The following PPARGC1A variants were observed in gnomAD, a reference collection of about 807,000 sequenced individuals.
The protein encoded by PPARGC1A is peroxisome proliferator-activated receptor gamma coactivator 1-alpha.
Under a neutral mutation model 88.7 loss-of-function variants are expected in PPARGC1A, and 25 were observed. The observed-to-expected ratio is 0.28, with a 90% CI of 0.21 to 0.39. PPARGC1A has a LOEUF of 0.39. Ranked by LOEUF, PPARGC1A falls within the 10% of genes least tolerant of loss-of-function variation. PPARGC1A has a pLI of 1.00. For synonymous variants in PPARGC1A, 363 were observed against 355.6 expected, an observed-to-expected ratio of 1.02 and a Z score of -0.24; for missense variants, 880 against 968.7, an observed-to-expected ratio of 0.91 and a Z score of 1.22.
chr4:24,111,042 G>A, the PPARGC1A span, among the ~76,000 whole-genome samples: 1 of 152,248 alleles, frequency 6.6e-6, no homozygotes, highest in South Asian at 2.1e-4. Flanking sequence ...GCTACACAGA[G>A]AAGGCATTTT....
the PPARGC1A span, among the ~76,000 whole-genome samples, chr4:24,125,881 G>A: frequency 3.9e-5 from 6 of 152,234 alleles, no homozygotes; most frequent in East Asian, 5.8e-4. Flanking sequence ...AGGGCTCCTC[G>A]AATAAATAAG....
At chr4:24,157,120 T>C in the PPARGC1A span, among the ~76,000 whole-genome samples, 1 of 152,170 alleles carries the variant, frequency 6.6e-6, no homozygotes, top group African/African-American at 2.4e-5. Flanking sequence ...ATATTACTTC[T>C]TAGCTGCATA....
intron 1 of PPARGC1A, chr4:23,889,341 A>G: frequency 1.0e-6 from 1 of 985,388 alleles, no homozygotes; most frequent in Non-Finnish European, 1.2e-6. Flanking sequence ...GGAGTTTTAA[A>G]GGAAGCAGCA....
the PPARGC1A span, among the ~76,000 whole-genome samples, chr4:24,157,672 T>C: frequency 2.0e-5 from 3 of 152,078 alleles, no homozygotes; most frequent in African/African-American, 7.2e-5. Context: ...TCAGTCCTGT[T>C]TTTTCTCTTT....
In PPARGC1A at chr4:23,813,790, T is replaced by C. The variant is rs1442356424; in HGVS notation, c.1693A>G (p.Met565Val). 2 of 1,613,538 alleles carry C rather than the reference T, an allele frequency of 1.2e-6. No individual in the cohort carries two copies. The highest frequency in any genetic ancestry group is 1.7e-6 in the Non-Finnish European group (2 of 1,179,482). Residue 565 changes from methionine (M) to valine (V), a missense_variant, in exon 8 of 13, where the codon ATG becomes GTG. Transcript: ENST00000264867. ...GAAAAGGACCTTGAACGAGAGCGCATCCTTTGGGGTCTTTGAGAAAATAAG... is the reference window on the plus strand; with the variant it reads ...GAAAAGGACCTTGAACGAGAGCGCACCCTTTGGGGTCTTTGAGAAAATAAG... ...KSLFSQRPQR[M>V]RSRSRSFSRH...
chr4:23,794,974 G>A lies in PPARGC1A; in HGVS notation c.*848C>T, dbSNP rs1717248274. The A allele has an allele frequency of 6.6e-6, 1 of 151,728 alleles. No homozygotes were observed. Among genetic ancestry groups the A allele is most frequent in the Non-Finnish European group, 1.5e-5 (1 of 67,884 alleles). 9.4% of individuals were successfully genotyped at this position (151,728 alleles called of 1,614,324 possible). A position where few individuals can be genotyped will look rare whatever the true frequency, so the allele number is the denominator to read the frequency against. ...GGATGAACTACAGAAACTTCAAAAT[G>A]TTAGGAAACTTTAGCATTCTGGTGC... is the stretch of plus-strand genomic sequence containing the variant. On this transcript the variant is annotated 3_prime_UTR_variant, in exon 13 of 13. Transcript: ENST00000264867.
the PPARGC1A span, among the ~76,000 whole-genome samples, chr4:24,408,628 G>T: frequency 6.6e-6 from 1 of 152,166 alleles, no homozygotes; most frequent in African/African-American, 2.4e-5. Flanking sequence ...CAGCAGCCAT[G>T]CTGGGAGAAG....
At chr4:23,809,710 TA>T (rs1478910804) in intron 10 of PPARGC1A, among the ~76,000 whole-genome samples, 3 of 152,226 alleles carry the variant, frequency 2.0e-5, no homozygotes, top group Admixed American at 6.5e-5. Context: ...TATTTTACAC[TA>T]TTTTTTTATA....
At chr4:24,379,544 GTAAAATATTA>G in the PPARGC1A span, among the ~76,000 whole-genome samples, 1 of 151,726 alleles carries the variant, frequency 6.6e-6, no homozygotes, top group Non-Finnish European at 1.5e-5. Context: ...TCATAAATAT[GTAAAATATTA>G]TATATCAATA....
At chr4:24,103,590 T>C in the PPARGC1A span, among the ~76,000 whole-genome samples, 1 of 104,652 alleles carries the variant, frequency 9.6e-6, no homozygotes, top group African/African-American at 4.2e-5. Flanking sequence ...CTTAATGCCT[T>C]CTTCCAAAAA....
chr4:23,969,072 A>T, the PPARGC1A span, among the ~76,000 whole-genome samples: 1 of 152,140 alleles, frequency 6.6e-6, no homozygotes, highest in Non-Finnish European at 1.5e-5. Context: ...TTAAGATTCT[A>T]ATTTTCCTGA....
At chr4:24,036,779 G>A in the PPARGC1A span, among the ~76,000 whole-genome samples, 3 of 152,120 alleles carry the variant, frequency 2.0e-5, no homozygotes. Context: ...CTGGCATGTT[G>A]GAGATATTAT....
At chr4:24,087,607 C>T in the PPARGC1A span, among the ~76,000 whole-genome samples, 5 of 152,182 alleles carry the variant, frequency 3.3e-5, no homozygotes, top group East Asian at 9.6e-4. Flanking sequence ...CAAGCGTAAT[C>T]ACCTCGGTTT....
chr4:24,255,041 G>C, the PPARGC1A span, among the ~76,000 whole-genome samples: 1 of 152,160 alleles, frequency 6.6e-6, no homozygotes, highest in South Asian at 2.1e-4. Flanking sequence ...TATTTCAGGG[G>C]AAAATGTCTG....
the PPARGC1A span, among the ~76,000 whole-genome samples, chr4:24,224,018 G>A: frequency 6.6e-6 from 1 of 152,164 alleles, no homozygotes; most frequent in Non-Finnish European, 1.5e-5. Flanking sequence ...TTGATGATAA[G>A]CCAAAAACTC....
the PPARGC1A span, among the ~76,000 whole-genome samples, chr4:24,020,815 C>T: frequency 2.0e-5 from 3 of 152,192 alleles, no homozygotes; most frequent in African/African-American, 7.2e-5. Context: ...ATGCATTTTT[C>T]TCCCCACGGT....
the PPARGC1A span, among the ~76,000 whole-genome samples, chr4:24,312,447 G>C: frequency 1.3e-5 from 2 of 151,772 alleles, no homozygotes; most frequent in Admixed American, 1.3e-4. Flanking sequence ...AAGGATCCCA[G>C]GACTGAGCTC....
the PPARGC1A span, among the ~76,000 whole-genome samples, chr4:23,983,689 G>A: frequency 6.6e-6 from 1 of 152,000 alleles, no homozygotes; most frequent in Admixed American, 6.6e-5. Context: ...GAAATGGAGG[G>A]AGGAAGAGAG....
At chr4:24,032,365 G>T in the PPARGC1A span, among the ~76,000 whole-genome samples, 1 of 152,142 alleles carries the variant, frequency 6.6e-6, no homozygotes, top group South Asian at 2.1e-4. Flanking sequence ...GGGGCTCCTG[G>T]TGGCTTATGG....
Sources: allele counts gnomAD v4.1 joint callset (sites outside exome capture counted in the v4.1 genomes callset), GRCh38; gene constraint gnomAD v4.1.1; transcripts MANE v1.5; gene names NCBI Gene and HGNC (gene_info 2026-07-23, HGNC 2026-07-21).